The following TNFSF4 variants were observed in gnomAD, a reference collection of about 807,000 sequenced individuals.
The protein encoded by TNFSF4 is TNF superfamily member 4, also known as tumor necrosis factor ligand superfamily member 4.
Under a neutral mutation model 7.3 loss-of-function variants are expected in TNFSF4, and 4 were observed. The ratio of observed to expected loss-of-function variants is 0.55; its 90% CI spans 0.27 to 1.25. The LOEUF is 1.25. TNFSF4 is among the 50% of genes most tolerant of loss of function. The pLI, the probability that TNFSF4 is intolerant of heterozygous loss-of-function variation, is 0.12. For synonymous variants in TNFSF4, 76 were observed against 83.7 expected (o/e 0.91, Z 0.50); for missense variants, 181 against 208.8 (o/e 0.87, Z 0.82).
chr1:173,407,516 T>C, the TNFSF4 span, among the ~76,000 whole-genome samples: 39 of 130,074 alleles, frequency 3.0e-4, no homozygotes, highest in African/African-American at 1.1e-3. Flanking sequence ...GCTGAGATCA[T>C]GCCACTGCAC....
At chr1:173,403,663 G>A in the TNFSF4 span, among the ~76,000 whole-genome samples, 4,340 of 152,272 alleles carry the variant, frequency 0.029, 104 homozygotes, top group Middle Eastern at 0.082. Flanking sequence ...CAGCACTTTG[G>A]GAGGCCAAGG....
At chr1:173,299,692 T>C in the TNFSF4 span, among the ~76,000 whole-genome samples, 3 of 151,924 alleles carry the variant, frequency 2.0e-5, no homozygotes, top group South Asian at 2.1e-4. Flanking sequence ...TATGGGATGA[T>C]GCATAAGAGT....
chr1:173,206,581 G>C (rs1390960365), intron 1 of TNFSF4, among the ~76,000 whole-genome samples: 1 of 152,178 alleles, frequency 6.6e-6, no homozygotes. Context: ...TCTTTACAAA[G>C]AAAATCACCT....
At chr1:173,378,250 A>T in the TNFSF4 span, among the ~76,000 whole-genome samples, 1 of 150,980 alleles carries the variant, frequency 6.6e-6, no homozygotes, top group Non-Finnish European at 1.5e-5. Flanking sequence ...CTGCTACTGC[A>T]TCAGTGAGCA....
the TNFSF4 span, among the ~76,000 whole-genome samples, chr1:173,340,783 C>T: frequency 1.3e-5 from 2 of 151,646 alleles, no homozygotes; most frequent in Non-Finnish European, 2.9e-5. Flanking sequence ...TTTCCCTCTC[C>T]CTTTCCTTCT....
chr1:173,324,614 AAC>A, the TNFSF4 span, among the ~76,000 whole-genome samples: 1 of 152,204 alleles, frequency 6.6e-6, no homozygotes, highest in African/African-American at 2.4e-5. Context: ...ATATTCAGGA[AAC>A]ACATCTCATG....
the TNFSF4 span, chr1:173,362,445 T>C: frequency 5.9e-6 from 3 of 505,290 alleles, no homozygotes; most frequent in African/African-American, 2.0e-5. Flanking sequence ...TTTTGGTAGC[T>C]TTTAATTCCT....
At chr1:173,183,479 C>A (rs1292771596), downstream of TNFSF4, among the ~76,000 whole-genome samples, 1 of 152,180 alleles carries the variant, frequency 6.6e-6, no homozygotes, top group Non-Finnish European at 1.5e-5. Context: ...AAAAACAGTA[C>A]ATGGTAGAAC....
At chr1:173,422,132 T>G in the TNFSF4 span, among the ~76,000 whole-genome samples, 3 of 152,160 alleles carry the variant, frequency 2.0e-5, no homozygotes, top group Non-Finnish European at 4.4e-5. Context: ...AGTTTAAACA[T>G]GCAAAGTGCT....
the TNFSF4 span, among the ~76,000 whole-genome samples, chr1:173,419,516 T>C: frequency 6.6e-6 from 1 of 152,138 alleles, no homozygotes; most frequent in Non-Finnish European, 1.5e-5. Context: ...ATAAATTTCT[T>C]GTCTTTATAA....
At chr1:173,449,087 A>G in the TNFSF4 span, among the ~76,000 whole-genome samples, 6 of 152,148 alleles carry the variant, frequency 3.9e-5, no homozygotes, top group African/African-American at 1.2e-4. Flanking sequence ...TCCTCTTGGT[A>G]CTGTCCTCAC....
chr1:173,218,897 TC>T, the TNFSF4 span, among the ~76,000 whole-genome samples: 1 of 152,094 alleles, frequency 6.6e-6, no homozygotes, highest in African/African-American at 2.4e-5. Context: ...CACAAATTAG[TC>T]CCTTTCTAAC....
the TNFSF4 span, among the ~76,000 whole-genome samples, chr1:173,299,820 G>A: frequency 6.6e-6 from 1 of 151,764 alleles, no homozygotes; most frequent in Non-Finnish European, 1.5e-5. Flanking sequence ...GTTGGGAGGG[G>A]GAACATAAGA....
chr1:173,262,598 C>CTT, the TNFSF4 span, among the ~76,000 whole-genome samples: 1,186 of 104,972 alleles, frequency 0.011, 22 homozygotes, highest in Non-Finnish European at 0.014. Flanking sequence ...CCAAAAGATT[C>CTT]TTTTTTTTTT....
the TNFSF4 span, among the ~76,000 whole-genome samples, chr1:173,339,946 G>A: frequency 6.6e-6 from 1 of 152,108 alleles, no homozygotes; most frequent in Non-Finnish European, 1.5e-5. Context: ...ATATTATTCT[G>A]GGTGTGTCTG....
chr1:173,175,340 T>C, the TNFSF4 span: 2 of 152,306 alleles, frequency 1.3e-5, no homozygotes, highest in Non-Finnish European at 2.9e-5. Flanking sequence ...TCTCTCAGAT[T>C]CCCCAGAACA....
At chr1:173,398,300 A>C in the TNFSF4 span, among the ~76,000 whole-genome samples, 1 of 152,258 alleles carries the variant, frequency 6.6e-6, no homozygotes, top group African/African-American at 2.4e-5. Flanking sequence ...CCTAGTGAGC[A>C]AAAAGTAGAT....
chr1:173,328,590 G>T, the TNFSF4 span, among the ~76,000 whole-genome samples: 11 of 150,382 alleles, frequency 7.3e-5, no homozygotes, highest in East Asian at 1.9e-3. Flanking sequence ...CTAGATGATG[G>T]GTTGATAGGT....
chr1:173,367,325 A>T, the TNFSF4 span, among the ~76,000 whole-genome samples: 1 of 152,162 alleles, frequency 6.6e-6, no homozygotes, highest in Non-Finnish European at 1.5e-5. Flanking sequence ...CAGCCTCCGA[A>T]CCTATCTCTT....
Sources: gnomAD v4.1 joint callset for allele counts (sites outside exome capture counted in the v4.1 genomes callset) on GRCh38, gnomAD v4.1.1 for gene constraint, MANE v1.5 for transcripts, NCBI Gene and HGNC (gene_info 2026-07-23, HGNC 2026-07-21) for gene names.